HPSE2: variants seen among roughly 807,000 people sequenced by gnomAD.
The protein encoded by HPSE2 is heparanase 2 (inactive).
HPSE2 carries 38 observed loss-of-function variants against 60.5 expected under a neutral mutation model. The ratio of observed to expected loss-of-function variants is 0.63; its 90% CI spans 0.48 to 0.82. The LOEUF (loss-of-function observed/expected upper bound fraction) is 0.82. Ranked by LOEUF, HPSE2 falls within the 40% of genes least tolerant of loss-of-function variation. The pLI is 0.00. For missense variants in HPSE2, 713 were observed against 740.4 expected, an observed-to-expected ratio of 0.96 and a Z score of 0.43; for synonymous variants, 295 against 293.2, an observed-to-expected ratio of 1.01 and a Z score of -0.06.
chr10:98,469,454 A>G (rs1940686453), intron 11 of HPSE2, among the ~76,000 whole-genome samples: 1 of 152,260 alleles, frequency 6.6e-6, no homozygotes, highest in Non-Finnish European at 1.5e-5. Flanking sequence ...ATTTACAAGT[A>G]GTGTTTAAGG....
intron 3 of HPSE2, among the ~76,000 whole-genome samples, chr10:98,903,536 G>A (rs1203337872): frequency 3.3e-5 from 5 of 152,072 alleles, no homozygotes. Flanking sequence ...AGATCAAGAA[G>A]CGGTCTCACT....
At chr10:99,261,640 T>G in the HPSE2 span, among the ~76,000 whole-genome samples, 1 of 152,158 alleles carries the variant, frequency 6.6e-6, no homozygotes, top group Non-Finnish European at 1.5e-5. Flanking sequence ...AATCCGCTCC[T>G]GACATTAGAG....
At chr10:99,305,979 G>GCGCGCGCGCGCGCA in the HPSE2 span, among the ~76,000 whole-genome samples, 4 of 80,574 alleles carry the variant, frequency 5.0e-5, no homozygotes, top group Non-Finnish European at 9.5e-5. Flanking sequence ...GCGCGCGCGC[G>GCGCGCGCGCGCGCA]CACACACACA....
intron 9 of HPSE2, among the ~76,000 whole-genome samples, chr10:98,612,788 T>C (rs1945798173): frequency 6.6e-6 from 1 of 152,328 alleles, no homozygotes; most frequent in South Asian, 2.1e-4. Context: ...GTGATCTGTT[T>C]AAAATGTAAG....
At chr10:99,237,716 T>C (rs1168694917), upstream of HPSE2, among the ~76,000 whole-genome samples, 1 of 152,248 alleles carries the variant, frequency 6.6e-6, no homozygotes, top group Non-Finnish European at 1.5e-5. Flanking sequence ...CTAAGACATC[T>C]AGATCCTTTA....
intron 2 of HPSE2, among the ~76,000 whole-genome samples, chr10:99,208,701 A>T (rs76656280): frequency 0.013 from 1,995 of 152,054 alleles, 21 homozygotes; most frequent in Non-Finnish European, 0.02. Context: ...TAAAAATAAA[A>T]AAAAAAAGAC....
At chr10:98,586,956 G>C (rs1944957328) in intron 9 of HPSE2, among the ~76,000 whole-genome samples, 1 of 152,266 alleles carries the variant, frequency 6.6e-6, no homozygotes. Context: ...CAGGTAACTT[G>C]ACCTTTGTAA....
At chr10:98,620,871 A>G (rs1946055569) in intron 7 of HPSE2, among the ~76,000 whole-genome samples, 163 bp from the exon 8 acceptor site, 1 of 152,206 alleles carries the variant, frequency 6.6e-6, no homozygotes, top group South Asian at 2.1e-4. Context: ...GTGAGTTGGC[A>G]TTCACAAACC....
intron 3 of HPSE2, among the ~76,000 whole-genome samples, chr10:99,041,649 G>A (rs1400169448): frequency 6.6e-6 from 1 of 152,126 alleles, no homozygotes; most frequent in Non-Finnish European, 1.5e-5. Context: ...CTTAGGGTAG[G>A]GGCCGCATCC....
intron 2 of HPSE2, among the ~76,000 whole-genome samples, chr10:99,204,952 G>A (rs1170855861): frequency 1.3e-5 from 2 of 152,168 alleles, no homozygotes; most frequent in Non-Finnish European, 2.9e-5. Context: ...ACAACAACAT[G>A]TATAGAGCTG....
intron 3 of HPSE2, among the ~76,000 whole-genome samples, chr10:99,132,206 AGAGAGAGAGAG>A (rs1845447051): frequency 4.1e-5 from 1 of 24,468 alleles, no homozygotes; most frequent in African/African-American, 6.9e-5. Flanking sequence ...AGAGAGAGAG[AGAGAGAGAGAG>A]AGAGAGAGAG....
chr10:99,181,397 CAAAAAAAAAAA>C (rs58049545), intron 2 of HPSE2, among the ~76,000 whole-genome samples: 67,097 of 107,366 alleles, frequency 0.62, 20,104 homozygotes, highest in South Asian at 0.72. Context: ...GACTCCGTCT[CAAAAAAAAAAA>C]AAAAAAAAAA....
chr10:98,823,640 T>C (rs569794451), intron 3 of HPSE2, among the ~76,000 whole-genome samples: 2 of 151,656 alleles, frequency 1.3e-5, no homozygotes, highest in Non-Finnish European at 2.9e-5. Flanking sequence ...AATAAATAAA[T>C]AGATAGATAG....
chr10:99,035,423 T>C (rs941950110), intron 3 of HPSE2, among the ~76,000 whole-genome samples: 2 of 152,194 alleles, frequency 1.3e-5, no homozygotes, highest in African/African-American at 4.8e-5. Flanking sequence ...GGAGCTGTCA[T>C]CTCCTATGAT....
intron 3 of HPSE2, among the ~76,000 whole-genome samples, chr10:98,994,364 C>G (rs79454939): frequency 3.3e-5 from 5 of 152,136 alleles, no homozygotes; most frequent in Non-Finnish European, 5.9e-5. Context: ...CTCAACCAGA[C>G]AGCAGCTGCA....
At chr10:98,500,263 A>G (rs1054661234) in intron 9 of HPSE2, among the ~76,000 whole-genome samples, 3 of 152,234 alleles carry the variant, frequency 2.0e-5, no homozygotes, top group Admixed American at 2.0e-4. Context: ...AAGATAGAAC[A>G]TATGACAGGC....
the HPSE2 span, among the ~76,000 whole-genome samples, chr10:99,264,902 C>T: frequency 2.6e-5 from 4 of 152,216 alleles, no homozygotes; most frequent in African/African-American, 7.2e-5. Context: ...CCCTGAGAAA[C>T]ATCGCCCGTT....
chr10:98,737,870 G>A (rs1949398236), intron 4 of HPSE2, among the ~76,000 whole-genome samples: 1 of 152,104 alleles, frequency 6.6e-6, no homozygotes, highest in Non-Finnish European at 1.5e-5. Context: ...TGAATAGGAA[G>A]AATCAATATT....
chr10:98,482,870 T>A, intron 10 of HPSE2, 88 bp from the exon 11 acceptor site: 4 of 1,399,358 alleles, frequency 2.9e-6, no homozygotes, highest in Non-Finnish European at 4.0e-6. Context: ...GTACAAAATA[T>A]GAACAGCCCT....
Sources: gnomAD v4.1 joint callset for allele counts (sites outside exome capture counted in the v4.1 genomes callset) on GRCh38, gnomAD v4.1.1 for gene constraint, MANE v1.5 for transcripts, NCBI Gene and HGNC (gene_info 2026-07-23, HGNC 2026-07-21) for gene names.